NAALADL2: variants seen among roughly 807,000 people sequenced by gnomAD.
NAALADL2 encodes the protein inactive N-acetylated-alpha-linked acidic dipeptidase-like protein 2.
Under a neutral mutation model 87.2 loss-of-function variants are expected in NAALADL2, and 76 were observed. That is an observed-to-expected ratio of 0.87 (90% CI 0.72 to 1.05). The LOEUF (loss-of-function observed/expected upper bound fraction) is 1.05. NAALADL2 is among the 50% of genes least tolerant of loss of function. The pLI, the probability that NAALADL2 is intolerant of heterozygous loss-of-function variation, is 0.00. For synonymous variants in NAALADL2, 354 were observed against 331.0 expected (o/e 1.07, Z -0.75); for missense variants, 1,089 against 945.8 (o/e 1.15, Z -1.99).
chr3:174,878,433 C>T (rs898445338), intron 1 of NAALADL2, among the ~76,000 whole-genome samples: 10 of 152,150 alleles, frequency 6.6e-5, no homozygotes, highest in African/African-American at 1.9e-4. Flanking sequence ...CTTAAAACTG[C>T]GTGAGCAACT....
intron 1 of NAALADL2, among the ~76,000 whole-genome samples, chr3:174,498,783 A>G (rs1243119607): frequency 6.6e-6 from 1 of 151,938 alleles, no homozygotes; most frequent in Non-Finnish European, 1.5e-5. Context: ...AGCTATTCTA[A>G]TAGAAGCATA....
chr3:174,717,446 C>T (rs1448621740), intron 2 of NAALADL2, among the ~76,000 whole-genome samples: 1 of 152,134 alleles, frequency 6.6e-6, no homozygotes, highest in Admixed American at 6.5e-5. Context: ...ACTATGTACA[C>T]ATTTTAAAAT....
chr3:175,536,031 A>T (rs144920040), intron 9 of NAALADL2, among the ~76,000 whole-genome samples: 55 of 152,256 alleles, frequency 3.6e-4, no homozygotes, highest in African/African-American at 1.3e-3. Flanking sequence ...TCTGATAACA[A>T]AACCCCAACT....
At chr3:174,846,455 T>C (rs1169827134) in intron 3 of NAALADL2, among the ~76,000 whole-genome samples, 2 of 152,224 alleles carry the variant, frequency 1.3e-5, no homozygotes, top group Non-Finnish European at 2.9e-5. Flanking sequence ...TTATTTTCCT[T>C]GTTCTCTAAC....
chr3:175,694,300 CAG>C (rs1183536157), intron 11 of NAALADL2, among the ~76,000 whole-genome samples: 2 of 152,084 alleles, frequency 1.3e-5, no homozygotes, highest in African/African-American at 4.8e-5. Flanking sequence ...AATCCTCTTG[CAG>C]AGTTTACCTA....
At chr3:175,636,465 G>A (rs573638563) in intron 11 of NAALADL2, among the ~76,000 whole-genome samples, 2 of 152,142 alleles carry the variant, frequency 1.3e-5, no homozygotes, top group African/African-American at 2.4e-5. Flanking sequence ...TTGGGAGGCC[G>A]AGCAGGGCAG....
intron 1 of NAALADL2, among the ~76,000 whole-genome samples, chr3:174,501,345 T>C (rs1447588306): frequency 6.6e-6 from 1 of 152,050 alleles, no homozygotes; most frequent in Admixed American, 6.5e-5. Flanking sequence ...TCCAAAGTGC[T>C]GGGATTACAG....
At chr3:174,691,927 C>G (rs545250930) in intron 2 of NAALADL2, 1 of 152,166 alleles carries the variant, frequency 6.6e-6, no homozygotes, top group African/African-American at 2.4e-5. Context: ...ATCTTCAGAC[C>G]CTACTTCTAA....
chr3:174,767,568 C>T (rs1349273852), intron 3 of NAALADL2, among the ~76,000 whole-genome samples: 1 of 152,038 alleles, frequency 6.6e-6, no homozygotes, highest in Admixed American at 6.6e-5. Flanking sequence ...TTATGACGCT[C>T]ACAGGAAGCT....
At position 175,059,625 on chromosome 3, in the gene NAALADL2, G is replaced by A. The variant is rs561524934; in HGVS notation, c.44-37165G>A. ...TCAGTATGATGGAAAATGGCAACAAGTGCATGTTTTTTGGCTTTCTTTGAT... is the reference window on the plus strand; with the variant it reads ...TCAGTATGATGGAAAATGGCAACAAATGCATGTTTTTTGGCTTTCTTTGAT... On this transcript the variant is annotated intron_variant, in intron 1 of 13. Coordinates refer to ENST00000454872, the MANE Select transcript of NAALADL2 (RefSeq NM_207015.3). 7 of 359,620 alleles carry A rather than the reference G, an allele frequency of 1.9e-5. No homozygotes were observed. The East Asian group carries it at 6.1e-4, about 31-fold the overall frequency. 22.3% of individuals were successfully genotyped at this position (359,620 alleles called of 1,614,324 possible).
chr3:174,653,793 G>T (rs1030369386), intron 2 of NAALADL2, among the ~76,000 whole-genome samples: 4 of 152,106 alleles, frequency 2.6e-5, no homozygotes, highest in Non-Finnish European at 5.9e-5. Flanking sequence ...ATAAACTTAT[G>T]TAAATTGAAG....
At chr3:175,295,905 T>C (rs1321746530) in intron 4 of NAALADL2, among the ~76,000 whole-genome samples, 5 of 152,050 alleles carry the variant, frequency 3.3e-5, no homozygotes, top group Admixed American at 3.3e-4. Flanking sequence ...GGAATCTAAC[T>C]GACTTGAATC....
chr3:175,650,939 C>T (rs1427831380), intron 11 of NAALADL2, among the ~76,000 whole-genome samples: 1 of 152,084 alleles, frequency 6.6e-6, no homozygotes, highest in Non-Finnish European at 1.5e-5. Context: ...ATGATATTAT[C>T]GAAGTTACAT....
chr3:175,099,080 C>T (rs943322921), intron 2 of NAALADL2, among the ~76,000 whole-genome samples: 1 of 151,994 alleles, frequency 6.6e-6, no homozygotes. Flanking sequence ...TTTATTTTCC[C>T]TCCTTATATA....
rs1754568135 is a variant in NAALADL2 at position 175,804,904 on chromosome 3, T to C, written c.*1701T>C. On this transcript the variant is annotated 3_prime_UTR_variant, in exon 14 of 14. Coordinates refer to ENST00000454872, the MANE Select transcript of NAALADL2 (RefSeq NM_207015.3). ...TTGCCTGTGTGCACATATTTTTAGA[T>C]GAAAAATGAAACTACCTTACAATAT... 6.6e-6 allele frequency: 1 copy of C among 151,936 alleles called. No individual in the cohort carries two copies. Among genetic ancestry groups the C allele is most frequent in the African/African-American group, 2.4e-5 (1 of 41,422 alleles). 9.4% of individuals were successfully genotyped at this position (151,936 alleles called of 1,614,324 possible). A position where few individuals can be genotyped will look rare whatever the true frequency, so the allele number is the denominator to read the frequency against.
chr3:175,364,974 T>C lies in NAALADL2; in HGVS notation c.1090+40649T>C, dbSNP rs146002743. ...GGGAAAGTACATTTCTGTTGGAAAA[T>C]CTGATACTGTTAGTGTATGAAAATA... is the stretch of plus-strand genomic sequence containing the variant. On this transcript the variant is annotated intron_variant, in intron 5 of 13. Coordinates refer to ENST00000454872, the MANE Select transcript of NAALADL2 (RefSeq NM_207015.3). Among the ~76,000 whole-genome samples, 295 of 147,806 alleles carry C rather than the reference T, an allele frequency of 2.0e-3. 18 individuals carry two copies. Among genetic ancestry groups the C allele is most frequent in the African/African-American group, 6.3e-3 (259 of 40,814 alleles).
chr3:175,278,405 TC>T (rs149807741), intron 4 of NAALADL2, among the ~76,000 whole-genome samples: 3 of 152,246 alleles, frequency 2.0e-5, no homozygotes, highest in Non-Finnish European at 2.9e-5. Flanking sequence ...TAAAACTGCT[TC>T]CTATTTGTTC....
chr3:175,180,078 TA>T lies in NAALADL2; in HGVS notation c.546-53849del, dbSNP rs1479733320. The stretch of plus-strand genomic sequence containing the variant: ...TTTATAGGTGCTGATGGGGAACTAA[TA>T]AAAGGTAGTTGTAACCAAAAAATGA... On this transcript the variant is annotated intron_variant, in intron 2 of 13. Transcript: ENST00000454872. 2.0e-5 allele frequency among the ~76,000 whole-genome samples: 3 copies of T among 151,932 alleles called. No homozygotes were observed. In the East Asian group the frequency reaches 5.8e-4, roughly 29 times the overall value.
At chr3:174,649,032 C>G (rs1011978676) in intron 2 of NAALADL2, among the ~76,000 whole-genome samples, 2 of 152,112 alleles carry the variant, frequency 1.3e-5, no homozygotes, top group African/African-American at 4.8e-5. Flanking sequence ...GCTACCTTGG[C>G]TCACTGCAAC....
Sources: gnomAD v4.1 joint callset for allele counts (sites outside exome capture counted in the v4.1 genomes callset) on GRCh38, gnomAD v4.1.1 for gene constraint, MANE v1.5 for transcripts, NCBI Gene and HGNC (gene_info 2026-07-23, HGNC 2026-07-21) for gene names.